ANLN: variants seen among roughly 807,000 people sequenced by gnomAD.
ANLN encodes anillin, actin binding protein.
In ANLN, 59 loss-of-function variants were observed where a neutral mutation model predicts 135.1. The observed-to-expected ratio is 0.44, with a 90% confidence interval of 0.35 to 0.54. The LOEUF is 0.54. Ranked by LOEUF, ANLN falls within the 20% of genes least tolerant of loss-of-function variation. ANLN has a pLI of 0.00. For missense variants in ANLN, 1,182 were observed against 1,340.0 expected (o/e 0.88, Z 1.84); for synonymous variants, 406 against 456.4 (o/e 0.89, Z 1.41).
rs537258659 is a variant in ANLN at position 36,445,133 on chromosome 7, G to T, written c.3078+1271G>T. Among the ~76,000 whole-genome samples, 9 of 124,290 alleles carry T rather than the reference G, an allele frequency of 7.2e-5. No homozygotes were observed. The South Asian group carries it at 2.4e-3, about 33-fold the overall frequency. The allele number at this position is 124,290 out of a possible 152,430, so 81.5% of individuals were successfully genotyped here. On this transcript the variant is annotated intron_variant, in intron 22 of 23. Coordinates refer to ENST00000265748, the MANE Select transcript of ANLN (RefSeq NM_018685.5). Reference sequence around the variant, plus strand: ...AATATCCCTTATTCATAATCCTTGGGATTTAGAGGCGTTTCAGATTTGGGA... The same window carrying T: ...AATATCCCTTATTCATAATCCTTGGTATTTAGAGGCGTTTCAGATTTGGGA...
At chr7:36,409,128 A>T (rs1787308741) in intron 5 of ANLN, among the ~76,000 whole-genome samples, 1 of 152,226 alleles carries the variant, frequency 6.6e-6, no homozygotes, top group African/African-American at 2.4e-5. Context: ...GAATAGGACT[A>T]GTTAGTCCCA....
chr7:36,433,925 T>A (rs1212119274), intron 20 of ANLN, among the ~76,000 whole-genome samples: 1 of 152,200 alleles, frequency 6.6e-6, no homozygotes, highest in Non-Finnish European at 1.5e-5. Flanking sequence ...CTAATTTTTC[T>A]CCATCTTTTC....
chr7:36,423,807 C>T lies in ANLN; in HGVS notation c.2477-10C>T. 6.2e-7 allele frequency: 1 copy of T among 1,605,918 alleles called. No homozygotes were observed. The highest frequency in any genetic ancestry group is 8.5e-7 in the Non-Finnish European group (1 of 1,176,874). Reference sequence around the variant, plus strand: ...TTGTGCTTACTATGTAATATGATTACTTCTTACAGATGCAGCAAATTACTA... The same window carrying T: ...TTGTGCTTACTATGTAATATGATTATTTCTTACAGATGCAGCAAATTACTA... On this transcript the variant is annotated splice_polypyrimidine_tract_variant and intron_variant, in intron 14 of 23. Coordinates refer to ENST00000265748, the MANE Select transcript of ANLN (RefSeq NM_018685.5).
intron 23 of ANLN, among the ~76,000 whole-genome samples, chr7:36,450,428 A>G (rs1269267155): frequency 1.3e-5 from 2 of 152,210 alleles, no homozygotes; most frequent in South Asian, 2.1e-4. Flanking sequence ...CATTAGGGAC[A>G]AAAGTTAGAA....
intron 18 of ANLN, 117 bp from the exon 19 acceptor site, chr7:36,425,896 GTT>G: frequency 8.6e-7 from 1 of 1,162,032 alleles, no homozygotes; most frequent in Non-Finnish European, 1.2e-6. Context: ...TAGGAAAAGT[GTT>G]TTCTGAAATG....
intron 1 of ANLN, among the ~76,000 whole-genome samples, chr7:36,395,469 T>C (rs1786654567): frequency 6.6e-6 from 1 of 152,204 alleles, no homozygotes; most frequent in Admixed American, 6.5e-5. Context: ...TGTGATTATG[T>C]TGGGCCTGAC....
At chr7:36,413,400 T>C (rs1469525905) in intron 7 of ANLN, among the ~76,000 whole-genome samples, 28 of 152,174 alleles carry the variant, frequency 1.8e-4, no homozygotes, top group Admixed American at 1.8e-3. Context: ...TTCAGTTGAT[T>C]AGTAGCATTT....
At chr7:36,400,220 G>GT (rs2116533153) in intron 3 of ANLN, among the ~76,000 whole-genome samples, 1 of 152,268 alleles carries the variant, frequency 6.6e-6, no homozygotes, top group Admixed American at 6.5e-5. Flanking sequence ...TTGGCACTAA[G>GT]ACTTGCAATT....
intron 9 of ANLN, 68 bp downstream of exon 9, chr7:36,417,258 C>T (rs927398753): frequency 1.2e-6 from 1 of 860,326 alleles, no homozygotes. Flanking sequence ...TTGATAGAAG[C>T]ACATATTCAA....
chr7:36,395,951 G>T (rs992052012), intron 1 of ANLN, among the ~76,000 whole-genome samples: 3 of 152,214 alleles, frequency 2.0e-5, no homozygotes, highest in Middle Eastern at 3.4e-3. Flanking sequence ...ATTGGTCAAA[G>T]CAGATCACAA....
intron 22 of ANLN, 76 bp downstream of exon 22, chr7:36,443,938 G>A (rs1470152569): frequency 5.1e-6 from 5 of 987,406 alleles, no homozygotes; most frequent in Non-Finnish European, 6.1e-6. Flanking sequence ...TGTTCCCTCT[G>A]GCCCCCATCA....
chr7:36,452,373 T>C, intron 23 of ANLN, 104 bp from the exon 24 acceptor site: 1 of 1,448,358 alleles, frequency 6.9e-7, no homozygotes, highest in Non-Finnish European at 9.5e-7. Flanking sequence ...TAAAGGTAAT[T>C]CATTTACTGG....
At chr7:36,416,660 G>A (rs966190634) in intron 8 of ANLN, among the ~76,000 whole-genome samples, 4 of 151,626 alleles carry the variant, frequency 2.6e-5, no homozygotes, top group African/African-American at 9.7e-5. Context: ...TGTATGGTAT[G>A]ATCACAAAAC....
At chr7:36,423,182 C>A (rs117180143) in intron 14 of ANLN, among the ~76,000 whole-genome samples, 2 of 151,888 alleles carry the variant, frequency 1.3e-5, no homozygotes, top group East Asian at 1.9e-4. Flanking sequence ...TAAAAAATTT[C>A]TTTTTGAGGG....
At chr7:36,436,534 C>A (rs1788557277) in intron 20 of ANLN, among the ~76,000 whole-genome samples, 1 of 152,154 alleles carries the variant, frequency 6.6e-6, no homozygotes, top group Non-Finnish European at 1.5e-5. Context: ...TTAGGAACTG[C>A]TAAACTCTTT....
Position 36,406,445 on chromosome 7 carries a change from G to A in ANLN, c.752G>A (p.Ser251Asn), listed in dbSNP as rs372980930. The A allele has an allele frequency of 6.4e-5, 103 of 1,612,386 alleles. 1 individual carries two copies. Among genetic ancestry groups the A allele is most frequent in the East Asian group, 2.7e-4 (12 of 44,874 alleles). Residue 251 changes from serine (S) to asparagine (N), a missense_variant, in exon 4 of 24, where the codon AGC (serine) becomes AAC (asparagine). By Grantham distance (46) the Ser-to-Asn change is conservative (BLOSUM62 1). Transcript: ENST00000265748. ...ASGASARINS[S>N]SVKQEATFCS... ...GGAGCATCTGCTAGGATCAATAGCA[G>A]CAGTGTTAAGCAGGAAGCTACATTC...
In ANLN at chr7:36,420,165, A is replaced by G; in HGVS notation, c.1870-4A>G. On this transcript the variant is annotated splice_polypyrimidine_tract_variant and splice_region_variant and intron_variant, in intron 10 of 23. Transcript: ENST00000265748. ...ATGTTAATATCTGATGCGTTTTCCC[A>G]CAGAGTTTAGTGTCCACACCTAGAC... is the stretch of plus-strand genomic sequence containing the variant. 1 of 1,611,962 alleles carries G rather than the reference A, an allele frequency of 6.2e-7. No individual in the cohort carries two copies. Among genetic ancestry groups the G allele is most frequent in the Non-Finnish European group, 8.5e-7 (1 of 1,178,810 alleles).
chr7:36,443,720 C>T, intron 21 of ANLN, 35 bp from the exon 22 acceptor site: 1 of 1,462,546 alleles, frequency 6.8e-7, no homozygotes, highest in Non-Finnish European at 9.5e-7. Flanking sequence ...TTTTCCTCAA[C>T]TTTCTAAAGC....
chr7:36,422,092 T>C (rs1160018324), intron 13 of ANLN, 100 bp downstream of exon 13: 1 of 1,331,890 alleles, frequency 7.5e-7, no homozygotes, highest in African/African-American at 1.5e-5. Context: ...GGGCTTTTCC[T>C]AGTCATCTGT....
Sources: allele counts gnomAD v4.1 joint callset (sites outside exome capture counted in the v4.1 genomes callset), GRCh38; gene constraint gnomAD v4.1.1; transcripts MANE v1.5; gene names NCBI Gene and HGNC (gene_info 2026-07-23, HGNC 2026-07-21).